Variants in CLOCK observed in about 807,000 individuals in gnomAD.
The protein encoded by CLOCK is circadian locomoter output cycles protein kaput.
In CLOCK, 43 loss-of-function variants were observed where a neutral mutation model predicts 118.4. The ratio of observed to expected loss-of-function variants is 0.36; its 90% CI spans 0.28 to 0.47. The LOEUF is 0.47. Ranked by LOEUF, CLOCK falls within the 20% of genes least tolerant of loss-of-function variation. CLOCK has a pLI of 1.00. For synonymous variants in CLOCK, 326 were observed against 339.2 expected, an observed-to-expected ratio of 0.96 and a Z score of 0.43; for missense variants, 846 against 999.9, an observed-to-expected ratio of 0.85 and a Z score of 2.08.
At chr4:55,471,207 T>A (rs1225487980) in intron 7 of CLOCK, among the ~76,000 whole-genome samples, 1 of 152,236 alleles carries the variant, frequency 6.6e-6, no homozygotes, top group Non-Finnish European at 1.5e-5. Flanking sequence ...ATCATGGATA[T>A]GTTAACACAG....
chr4:55,473,404 T>C (rs1286806340), intron 7 of CLOCK, among the ~76,000 whole-genome samples: 2 of 152,168 alleles, frequency 1.3e-5, no homozygotes, highest in Non-Finnish European at 2.9e-5. Flanking sequence ...ATTTTTCTGA[T>C]TTAAAGTACA....
At chr4:55,537,757 G>A (rs1215445523) in intron 1 of CLOCK, among the ~76,000 whole-genome samples, 2 of 152,186 alleles carry the variant, frequency 1.3e-5, no homozygotes, top group African/African-American at 4.8e-5. Flanking sequence ...TCACGATACT[G>A]TACTGCCTGA....
chr4:55,436,501 G>GA (rs1665776964), intron 22 of CLOCK, among the ~76,000 whole-genome samples: 1 of 152,158 alleles, frequency 6.6e-6, no homozygotes, highest in Non-Finnish European at 1.5e-5. Context: ...TTTTTACAAT[G>GA]AAAGTCCTTT....
At chr4:55,477,063 C>T (rs1041332176) in intron 6 of CLOCK, among the ~76,000 whole-genome samples, 2 of 151,974 alleles carry the variant, frequency 1.3e-5, no homozygotes, top group African/African-American at 2.4e-5. Context: ...AAATTCACAT[C>T]AATTATATAC....
At chr4:55,489,950 G>C (rs1445508996) in intron 2 of CLOCK, among the ~76,000 whole-genome samples, 9 of 151,978 alleles carry the variant, frequency 5.9e-5, no homozygotes. Context: ...AAGAAAGAAA[G>C]AAACACAGAG....
Position 55,441,469 on chromosome 4 carries a change from T to C in CLOCK, c.2105+963A>G, listed in dbSNP as rs376370875. On this transcript the variant is annotated intron_variant, in intron 21 of 22. Transcript: ENST00000513440. The stretch of plus-strand genomic sequence containing the variant: ...AGTACAGTTCACAATTCCAAAGATA[T>C]GGAATCAACCTAAGTGCCCATCAAC... Among the ~76,000 whole-genome samples the C allele has an allele frequency of 2.0e-5, 3 of 152,166 alleles. No homozygotes were observed. In the South Asian group the frequency reaches 6.2e-4, roughly 32 times the overall value.
At position 55,458,955 on chromosome 4, in the gene CLOCK, T is replaced by C; in HGVS notation, c.729A>G (p.Pro243=). The C allele has an allele frequency of 6.2e-7, 1 of 1,613,972 alleles. No homozygotes were observed. Among genetic ancestry groups the C allele is most frequent in the African/African-American group, 1.3e-5 (1 of 75,054 alleles). The change falls in exon 11 of 23, where the codon CCA becomes CCG. Residue 243 remains proline (P), a synonymous_variant. Transcript: ENST00000513440. ...CAAAACAAACTCTATCTTCATAAGA[T>C]GGCCTATGTGTGCGTTGTATAGTTC... ...FEGTIQRTHR[P]SYEDRVCFVA...
chr4:55,545,613 G>A (rs1332329996), intron 1 of CLOCK: 1 of 152,184 alleles, frequency 6.6e-6, no homozygotes, highest in Non-Finnish European at 1.5e-5. Context: ...ACCACAATCT[G>A]ATTTGATCTT....
chr4:55,442,258 T>A lies in CLOCK; in HGVS notation c.2105+174A>T, dbSNP rs2109679961. 1.7e-5 allele frequency: 11 copies of A among 632,982 alleles called. No homozygotes were observed. The South Asian group carries it at 2.1e-4, about 12-fold the overall frequency. 39.2% of individuals were successfully genotyped at this position (632,982 alleles called of 1,614,324 possible). ...AAAATTTGTTGTTACCCTTTAATTA[T>A]GAAGTCTTTAAACAATGAATACATT... On this transcript the variant is annotated intron_variant, in intron 21 of 22. Transcript: ENST00000513440.
At chr4:55,517,892 CA>C (rs1729614651) in intron 1 of CLOCK, among the ~76,000 whole-genome samples, 1 of 151,808 alleles carries the variant, frequency 6.6e-6, no homozygotes, top group Non-Finnish European at 1.5e-5. Flanking sequence ...ATACCCTTAA[CA>C]AAATTACAAA....
rs528151265 is a variant in CLOCK at position 55,442,310 on chromosome 4, C to G, written c.2105+122G>C. 7.0e-5 allele frequency: 57 copies of G among 809,430 alleles called. 1 individual carries two copies. In the South Asian group the frequency reaches 8.7e-4, roughly 12 times the overall value. The allele number at this position is 809,430 out of a possible 1,614,324, so 50.1% of individuals were successfully genotyped here. The stretch of plus-strand genomic sequence containing the variant: ...AGTGTTTTTATTTCAAATTTAAGAA[C>G]ATTGGCTGCAGTGAGCATCTCATTA... On this transcript the variant is annotated intron_variant, in intron 21 of 22. Transcript: ENST00000513440.
In CLOCK at chr4:55,521,947, T is replaced by C. The variant is rs1577848603; in HGVS notation, c.-289-11882A>G. 9.2e-5 allele frequency among the ~76,000 whole-genome samples: 14 copies of C among 152,272 alleles called. No homozygotes were observed. The South Asian group carries it at 2.9e-3, about 32-fold the overall frequency. On this transcript the variant is annotated intron_variant, in intron 1 of 22. Coordinates refer to ENST00000513440, the MANE Select transcript of CLOCK (RefSeq NM_004898.4). ...CTACAAATAATCAAGCCTTATAATA[T>C]GGGTCTTTCAAAACAGAGATAGAGA...
intron 20 of CLOCK, among the ~76,000 whole-genome samples, chr4:55,443,475 CA>C (rs36064611): frequency 0.37 from 44,210 of 119,716 alleles, 6,957 homozygotes; most frequent in East Asian, 0.59. Context: ...AACTCCGTCT[CA>C]AAAAAAAAAA....
At chr4:55,519,452 A>G (rs575868120) in intron 1 of CLOCK, among the ~76,000 whole-genome samples, 1 of 152,206 alleles carries the variant, frequency 6.6e-6, no homozygotes, top group East Asian at 1.9e-4. Context: ...ATAGTTATTA[A>G]CCAGAGGATA....
rs757031413 is a variant in CLOCK at position 55,435,421 on chromosome 4, T to A, written c.2535A>T (p.Pro845=). ...AAGAGAGGAAGCACGTGTGCTACTG[T>A]GGTTGAACCTTGGAAGGGTCGGGCA... is the stretch of plus-strand genomic sequence containing the variant. ...DSLPDPSKVQ[P]Q Residue 845 remains proline, a synonymous_variant, in exon 23 of 23, where the codon CCA becomes CCT. Transcript: ENST00000513440. 21 of 1,613,956 alleles carry A rather than the reference T, an allele frequency of 1.3e-5. No individual in the cohort carries two copies. In the Admixed American group the frequency reaches 3.3e-4, roughly 26 times the overall value.
At chr4:55,463,572 G>C in intron 9 of CLOCK, 113 bp downstream of exon 9, 1 of 926,742 alleles carries the variant, frequency 1.1e-6, no homozygotes, top group East Asian at 2.6e-5. Context: ...GGACCTAATA[G>C]GGCATATGGA....
chr4:55,456,248 A>C lies in CLOCK; in HGVS notation c.845T>G (p.Leu282Ter), dbSNP rs1265886307. ...PNEEFTSRHS[L>*]EWKFLFLDHR... ...ATCTAGAAACAGAAACTTCCATTCT[A>C]AACTATGTCTAGATGTAAACTCTTC... Residue 282 changes from leucine (L) to a stop codon, truncating the protein, a stop_gained, in exon 12 of 23, where the codon TTA (leucine) becomes TGA (stop). Transcript: ENST00000513440. LOFTEE classifies it high-confidence loss of function. 1 of 1,604,492 alleles carries C rather than the reference A, an allele frequency of 6.2e-7. No homozygotes were observed. The highest frequency in any genetic ancestry group is 1.7e-5 in the Admixed American group (1 of 59,846).
At chr4:55,468,745 G>A (rs919439832) in intron 8 of CLOCK, among the ~76,000 whole-genome samples, 2 of 152,170 alleles carry the variant, frequency 1.3e-5, no homozygotes, top group East Asian at 1.9e-4. Flanking sequence ...AAATGGAAAC[G>A]CTAAAAAGTT....
At chr4:55,442,323 G>A in intron 21 of CLOCK, 109 bp downstream of exon 21, 1 of 882,788 alleles carries the variant, frequency 1.1e-6, no homozygotes, top group Non-Finnish European at 1.8e-6. Context: ...TGGCTGCAGT[G>A]AGCATCTCAT....
Sources: allele counts gnomAD v4.1 joint callset (sites outside exome capture counted in the v4.1 genomes callset), GRCh38; gene constraint gnomAD v4.1.1; transcripts MANE v1.5; gene names NCBI Gene and HGNC (gene_info 2026-07-23, HGNC 2026-07-21).